The following ZNF501 variants were observed in gnomAD, a reference collection of about 807,000 sequenced individuals.
The protein encoded by ZNF501 is zinc finger protein 52.
ZNF501 carries 7 observed loss-of-function variants against 5.7 expected under a neutral mutation model. The ratio of observed to expected loss-of-function variants is 1.24; its 90% CI spans 0.70 to 2.32. ZNF501 has a LOEUF of 2.32. ZNF501 is among the 30% of genes most tolerant of loss of function. The pLI is 0.00. For synonymous variants in ZNF501, 107 were observed against 101.9 expected (o/e 1.05, Z -0.30); for missense variants, 352 against 321.1 (o/e 1.10, Z -0.73).
chr3:44,731,435 G>A (rs1704614777), intron 1 of ZNF501, 41 bp from the exon 2 acceptor site: 1 of 152,224 alleles, frequency 6.6e-6, no homozygotes, highest in Non-Finnish European at 1.5e-5. Flanking sequence ...GGTGTAGGAA[G>A]TAGGCTGGCA....
intron 2 of ZNF501, 27 bp from the exon 3 acceptor site, chr3:44,734,170 A>C (rs1704656219): frequency 5.1e-6 from 2 of 390,386 alleles, no homozygotes; most frequent in East Asian, 7.8e-5. Flanking sequence ...AGAATTCCTA[A>C]TACCTGTCAC....
At position 44,731,310 on chromosome 3, in the gene ZNF501, C is replaced by G. The variant is rs527746628; in HGVS notation, c.-310-166C>G. Among the ~76,000 whole-genome samples the G allele has an allele frequency of 3.2e-3, 489 of 152,330 alleles. 2 individuals carry two copies. The highest frequency in any genetic ancestry group is 5.3e-3 in the Non-Finnish European group (360 of 68,038). On this transcript the variant is annotated intron_variant, in intron 1 of 2. Coordinates refer to ENST00000620116, the MANE Select transcript of ZNF501 (RefSeq NM_001258280.2). ...CATCTCTCTGAAGTCTGCCAACTCA[C>G]TAATTTTTGTCACTGGAGATACTCC...
rs1704657878 is a variant in ZNF501, at chr3:44,734,322, A to G, written c.-100A>G. Reference sequence around the variant, plus strand: ...ATGCATGTGTGATGTGTGTGAGCACACACACACAGTAACCTTTCCTAGGAG... The same window carrying G: ...ATGCATGTGTGATGTGTGTGAGCACGCACACACAGTAACCTTTCCTAGGAG... On this transcript the variant is annotated 5_prime_UTR_variant, in exon 3 of 3. Transcript: ENST00000620116. 1.0e-6 allele frequency: 1 copy of G among 986,038 alleles called. No homozygotes were observed. Among genetic ancestry groups the G allele is most frequent in the Non-Finnish European group, 1.5e-6 (1 of 660,628 alleles). 61.1% of individuals were successfully genotyped at this position (986,038 alleles called of 1,614,324 possible). A position where few individuals can be genotyped will look rare whatever the true frequency, so the allele number is the denominator to read the frequency against.
chr3:44,734,671 G>A lies in ZNF501; in HGVS notation c.250G>A (p.Glu84Lys), dbSNP rs756703639. The change falls in exon 3 of 3, where the codon GAG becomes AAG. Residue 84 changes from glutamate to lysine, a missense_variant. Physicochemically the swap from Glu to Lys is moderately conservative, Grantham distance 56. Coordinates refer to ENST00000620116, the MANE Select transcript of ZNF501 (RefSeq NM_001258280.2). ...GAAACCTTATAAATGTAATGAATGT[G>A]AGAAAGCCTTTCAAACAAAAGCAAT... ...GEKPYKCNEC[E>K]KAFQTKAILV... is the part of the protein sequence containing the mutation. 6.2e-7 allele frequency: 1 copy of A among 1,614,168 alleles called. No individual in the cohort carries two copies. Among genetic ancestry groups the A allele is most frequent in the South Asian group, 1.1e-5 (1 of 91,072 alleles).
chr3:44,736,766 T>C lies in ZNF501; in HGVS notation c.*1529T>C, dbSNP rs878900772. 6.0e-6 allele frequency: 1 copy of C among 167,120 alleles called. No homozygotes were observed. The highest frequency in any genetic ancestry group is 6.5e-5 in the Admixed American group (1 of 15,282). The allele number at this position is 167,120 out of a possible 1,614,324, so 10.4% of individuals were successfully genotyped here. ...TTAGCATCTTTTCATATGTTTGCCA[T>C]CTGTATAGCTTTGGTGAGGTATCTG... On this transcript the variant is annotated 3_prime_UTR_variant, in exon 3 of 3. Transcript: ENST00000620116.
rs533821258 is a variant in ZNF501, at chr3:44,734,798, G to C, written c.377G>C (p.Arg126Pro). Residue 126 changes from arginine (R) to proline (P), a missense_variant, in exon 3 of 3, where the codon CGA (arginine) becomes CCA (proline). By Grantham distance (103) the Arg-to-Pro change is moderately radical. Coordinates refer to ENST00000620116, the MANE Select transcript of ZNF501 (RefSeq NM_001258280.2). ...CQSPSLIKHQ[R>P]IHTGEKPYKC... ...AGCCCATCCCTTATTAAACACCAGC[G>C]AATTCATACTGGAGAGAAACCATAT... 1.2e-6 allele frequency: 2 copies of C among 1,613,966 alleles called. No individual in the cohort carries two copies. Among genetic ancestry groups the C allele is most frequent in the Admixed American group, 1.7e-5 (1 of 60,022 alleles).
intron 2 of ZNF501, 90 bp downstream of exon 2, chr3:44,731,650 A>G (rs1427834751): frequency 1.3e-5 from 2 of 152,238 alleles, no homozygotes; most frequent in Non-Finnish European, 2.9e-5. Flanking sequence ...GGACCCACCA[A>G]TGTCCACTAA....
chr3:44,734,398 T>C lies in ZNF501; in HGVS notation c.-24T>C, dbSNP rs1345095273. 1 of 1,595,290 alleles carries C rather than the reference T, an allele frequency of 6.3e-7. No individual in the cohort carries two copies. The highest frequency in any genetic ancestry group is 8.5e-7 in the Non-Finnish European group (1 of 1,169,690). On this transcript the variant is annotated 5_prime_UTR_variant, in exon 3 of 3. Transcript: ENST00000620116. ...CCTTTGAGGAAAAAAAACTTGTAAG[T>C]ATGAATTTGGTGTTACAAGCAGCAT...
In ZNF501 at chr3:44,734,381, G is replaced by GA. The variant is rs750989937; in HGVS notation, c.-33dup. Reference sequence around the variant, plus strand: ...TACTCTAATGATAATCACCTTTGAGGAAAAAAAACTTGTAAGTATGAATTT... The same window carrying GA: ...TACTCTAATGATAATCACCTTTGAGGAAAAAAAAACTTGTAAGTATGAATTT... On this transcript the variant is annotated 5_prime_UTR_variant, in exon 3 of 3. Transcript: ENST00000620116. 43 of 1,567,514 alleles carry GA rather than the reference G, an allele frequency of 2.7e-5. No individual in the cohort carries two copies. Among genetic ancestry groups the GA allele is most frequent in the African/African-American group, 4.1e-5 (3 of 73,260 alleles).
intron 1 of ZNF501, among the ~76,000 whole-genome samples, chr3:44,730,786 G>A (rs1473427895): frequency 6.6e-6 from 1 of 152,184 alleles, no homozygotes; most frequent in Non-Finnish European, 1.5e-5. Context: ...CTGACAGGAA[G>A]TTTCCCTGCT....
rs564469029 is a variant in ZNF501, at chr3:44,730,660, T to C, written c.-311+645T>C. Among the ~76,000 whole-genome samples the C allele has an allele frequency of 1.5e-3, 223 of 152,344 alleles. 8 individuals are homozygous for C. The South Asian group carries it at 0.045, about 31-fold the overall frequency. ...AGTGTTCTTTGCATTAGGAGGGTTC[T>C]TGAAACCTTTCCCTTATGAAGAGTC... On this transcript the variant is annotated intron_variant, in intron 1 of 2. Coordinates refer to ENST00000620116, the MANE Select transcript of ZNF501 (RefSeq NM_001258280.2).
intron 1 of ZNF501, among the ~76,000 whole-genome samples, chr3:44,731,260 G>A (rs1486123141): frequency 4.6e-5 from 7 of 152,186 alleles, no homozygotes; most frequent in African/African-American, 1.7e-4. Context: ...TCCTAGGAAG[G>A]ACCTGCCCTC....
intron 2 of ZNF501, among the ~76,000 whole-genome samples, chr3:44,733,639 AAC>A (rs1187216945): frequency 2.6e-5 from 4 of 151,342 alleles, no homozygotes. Context: ...TGTCCAATTA[AAC>A]CTTCTTCTTT....
At position 44,735,462 on chromosome 3, in the gene ZNF501, A is replaced by G. The variant is rs1052827356; in HGVS notation, c.*225A>G. 2 of 386,090 alleles carry G rather than the reference A, an allele frequency of 5.2e-6. No individual in the cohort carries two copies. Among genetic ancestry groups the G allele is most frequent in the East Asian group, 7.9e-5 (2 of 25,258 alleles). The allele number at this position is 386,090 out of a possible 1,614,324, so 23.9% of individuals were successfully genotyped here. The stretch of plus-strand genomic sequence containing the variant: ...AGCCTCAGTTTCCCCATTCCCCCCA[A>G]TAGAAAAATGGGGATATTTCCTAGG... On this transcript the variant is annotated 3_prime_UTR_variant, in exon 3 of 3. Coordinates refer to ENST00000620116, the MANE Select transcript of ZNF501 (RefSeq NM_001258280.2).
rs141527581 is a variant in ZNF501 at position 44,736,504 on chromosome 3, G to C, written c.*1267G>C. 2.7e-4 allele frequency: 45 copies of C among 167,058 alleles called. No individual in the cohort carries two copies. The highest frequency in any genetic ancestry group is 9.6e-4 in the African/African-American group (40 of 41,534). 10.3% of individuals were successfully genotyped at this position (167,058 alleles called of 1,614,324 possible). A position where few individuals can be genotyped will look rare whatever the true frequency, so the allele number is the denominator to read the frequency against. On this transcript the variant is annotated 3_prime_UTR_variant, in exon 3 of 3. Transcript: ENST00000620116. ...TTATATAATACCAAAGTCACATACA[G>C]GTAATTTCCCACCATTGAACCTTCC...
In ZNF501 at chr3:44,735,023, A is replaced by G; in HGVS notation, c.602A>G (p.Gln201Arg). The change falls in exon 3 of 3, where the codon CAG becomes CGG. Residue 201 changes from glutamine to arginine, a missense_variant. Coordinates refer to ENST00000620116, the MANE Select transcript of ZNF501 (RefSeq NM_001258280.2). ...TCTECGKAFT[Q>R]NSSLVEHERT... ...ACTGAATGTGGTAAAGCCTTCACTC[A>G]GAACTCTTCCCTTGTTGAACATGAA... is the stretch of plus-strand genomic sequence containing the variant. 6.2e-7 allele frequency: 1 copy of G among 1,614,200 alleles called. No individual in the cohort carries two copies. The highest frequency in any genetic ancestry group is 8.5e-7 in the Non-Finnish European group (1 of 1,180,020).
In ZNF501 at chr3:44,734,354, A is replaced by G; in HGVS notation, c.-68A>G. The stretch of plus-strand genomic sequence containing the variant: ...CAGTAACCTTTCCTAGGAGAACTGT[A>G]TTACTCTAATGATAATCACCTTTGA... On this transcript the variant is annotated 5_prime_UTR_variant, in exon 3 of 3. Transcript: ENST00000620116. 7.3e-7 allele frequency: 1 copy of G among 1,374,234 alleles called. No homozygotes were observed. Among genetic ancestry groups the G allele is most frequent in the South Asian group, 1.3e-5 (1 of 75,322 alleles). 85.1% of individuals were successfully genotyped at this position (1,374,234 alleles called of 1,614,324 possible). A position where few individuals can be genotyped will look rare whatever the true frequency, so the allele number is the denominator to read the frequency against.
chr3:44,731,681 G>A (rs542205507), intron 2 of ZNF501, 121 bp downstream of exon 2: 54 of 152,346 alleles, frequency 3.5e-4, no homozygotes, highest in African/African-American at 1.2e-3. Context: ...AGCAGAAAAT[G>A]CAGGACCACA....
intron 2 of ZNF501, chr3:44,731,952 A>T (rs1704621986): frequency 1.3e-5 from 2 of 152,226 alleles, no homozygotes; most frequent in African/African-American, 4.8e-5. Context: ...GTGATTAGGT[A>T]TTTCCTCAGA....
Sources: allele counts gnomAD v4.1 joint callset (sites outside exome capture counted in the v4.1 genomes callset), GRCh38; gene constraint gnomAD v4.1.1; transcripts MANE v1.5; gene names NCBI Gene and HGNC (gene_info 2026-07-23, HGNC 2026-07-21).